The following SND1 variants were observed in gnomAD, a reference collection of about 807,000 sequenced individuals.
SND1 encodes staphylococcal nuclease domain-containing protein 1.
In SND1, 38 loss-of-function variants were observed where a neutral mutation model predicts 121.7. The ratio of observed to expected loss-of-function variants is 0.31; its 90% CI spans 0.24 to 0.41. The LOEUF (loss-of-function observed/expected upper bound fraction) is 0.41. Ranked by LOEUF, SND1 falls within the 10% of genes least tolerant of loss-of-function variation. The probability of loss-of-function intolerance (pLI) is 1.00; values close to 1 mark genes in which losing one functional copy is unlikely to be tolerated. For missense variants in SND1, 868 were observed against 1,184.6 expected (o/e 0.73, Z 3.92); for synonymous variants, 401 against 447.4 (o/e 0.90, Z 1.31).
intron 12 of SND1, among the ~76,000 whole-genome samples, chr7:127,847,745 G>A (rs537365692): frequency 2.0e-4 from 30 of 152,308 alleles, no homozygotes; most frequent in African/African-American, 6.7e-4. Flanking sequence ...CTCACTGCCC[G>A]AAGTGCGTAG....
intron 16 of SND1, among the ~76,000 whole-genome samples, chr7:128,007,422 G>A (rs192639299): frequency 6.6e-6 from 1 of 152,306 alleles, no homozygotes; most frequent in Non-Finnish European, 1.5e-5. Context: ...TCGGCTCCTA[G>A]TATTTGCAGC....
rs565544280 is a variant in SND1, at chr7:127,716,030, A to G, written c.1039-5257A>G. On this transcript the variant is annotated intron_variant, in intron 9 of 23. Transcript: ENST00000354725. ...CAAAAATCATTTGACTGTATATGCA[A>G]GGGTTTATTTCTGGACTTCATTCTG... 2.6e-5 allele frequency among the ~76,000 whole-genome samples: 4 copies of G among 152,256 alleles called. No individual in the cohort carries two copies. In the East Asian group the frequency reaches 7.7e-4, roughly 29 times the overall value.
At chr7:127,949,744 C>A (rs1052785491) in intron 15 of SND1, among the ~76,000 whole-genome samples, 3 of 152,164 alleles carry the variant, frequency 2.0e-5, no homozygotes, top group Non-Finnish European at 4.4e-5. Context: ...TTGGATTTGG[C>A]CCCAGCACAG....
At chr7:127,719,308 A>G (rs1796446954) in intron 9 of SND1, among the ~76,000 whole-genome samples, 1 of 152,174 alleles carries the variant, frequency 6.6e-6, no homozygotes, top group Non-Finnish European at 1.5e-5. Flanking sequence ...TTTAGATGGT[A>G]ATGGGAATAA....
intron 1 of SND1, among the ~76,000 whole-genome samples, chr7:127,659,278 C>A (rs1463767588): frequency 6.6e-6 from 1 of 152,192 alleles, no homozygotes; most frequent in African/African-American, 2.4e-5. Flanking sequence ...CACTTACTTT[C>A]ATTAGACTCA....
intron 10 of SND1, among the ~76,000 whole-genome samples, chr7:127,795,198 C>T (rs1797992751): frequency 6.6e-6 from 1 of 152,162 alleles, no homozygotes; most frequent in African/African-American, 2.4e-5. Context: ...CTTCTCAGCT[C>T]TACTTGCTCA....
chr7:127,708,786 T>A (rs1223108934), intron 9 of SND1, among the ~76,000 whole-genome samples: 1 of 152,242 alleles, frequency 6.6e-6, no homozygotes, highest in Non-Finnish European at 1.5e-5. Context: ...TCCAGCCTAT[T>A]TTTACTTTTG....
At chr7:127,719,917 C>T (rs698409) in intron 9 of SND1, among the ~76,000 whole-genome samples, 143,690 of 152,198 alleles carry the variant, frequency 0.94, 68,281 homozygotes, top group Non-Finnish European at 1. Flanking sequence ...TTTTCTGTTA[C>T]ATATAATTTC....
At chr7:127,740,792 T>C (rs1056792307) in intron 10 of SND1, among the ~76,000 whole-genome samples, 1 of 152,182 alleles carries the variant, frequency 6.6e-6, no homozygotes, top group Non-Finnish European at 1.5e-5. Context: ...TGGGTGTCTG[T>C]GGTAGAAGTG....
At chr7:128,010,251 C>G (rs1803086029) in intron 16 of SND1, among the ~76,000 whole-genome samples, 1 of 152,222 alleles carries the variant, frequency 6.6e-6, no homozygotes, top group Non-Finnish European at 1.5e-5. Context: ...TATAGTGGAA[C>G]AAAGCACTAC....
chr7:127,872,199 C>T (rs904804236), intron 12 of SND1, among the ~76,000 whole-genome samples: 1 of 152,128 alleles, frequency 6.6e-6, no homozygotes, highest in Non-Finnish European at 1.5e-5. Context: ...TCTAGCATCT[C>T]ATTTTATAGG....
At chr7:127,854,301 G>GC in intron 12 of SND1, among the ~76,000 whole-genome samples, 1 of 152,068 alleles carries the variant, frequency 6.6e-6, no homozygotes, top group East Asian at 1.9e-4. Context: ...GCTGATTTTT[G>GC]CATTTTTAGT....
chr7:127,840,868 C>G (rs1798952032), intron 11 of SND1, among the ~76,000 whole-genome samples: 1 of 152,178 alleles, frequency 6.6e-6, no homozygotes, highest in South Asian at 2.1e-4. Flanking sequence ...AATGTTGCAT[C>G]CACAAATAAC....
At chr7:127,993,277 T>TATATATATA in intron 16 of SND1, among the ~76,000 whole-genome samples, 1 of 152,244 alleles carries the variant, frequency 6.6e-6, no homozygotes, top group Non-Finnish European at 1.5e-5. Context: ...GGCTTATTCA[T>TATATATATA]TTACTTTTAC....
rs571982666 is a variant in SND1 at position 127,734,241 on chromosome 7, AG to A, written c.1152+12843del. On this transcript the variant is annotated intron_variant, in intron 10 of 23. Transcript: ENST00000354725. ...CCCTCTTAGCTTAGAACATCTCCTG[AG>A]GATTCCAGTGAAAGGAGATATAAGA... Among the ~76,000 whole-genome samples, 393 of 152,262 alleles carry A rather than the reference AG, an allele frequency of 2.6e-3. 1 individual carries two copies. The highest frequency in any genetic ancestry group is 5.1e-3 in the Admixed American group (78 of 15,294).
At chr7:127,693,129 G>T (rs1033878734) in intron 2 of SND1, among the ~76,000 whole-genome samples, 11 of 152,336 alleles carry the variant, frequency 7.2e-5, no homozygotes, top group Non-Finnish European at 1.6e-4. Flanking sequence ...TGTTTTTGGA[G>T]TAAGTTGATC....
intron 15 of SND1, among the ~76,000 whole-genome samples, chr7:127,943,797 C>T (rs552869939): frequency 4.7e-4 from 72 of 152,284 alleles, no homozygotes; most frequent in African/African-American, 1.7e-3. Flanking sequence ...TTAGAAATTG[C>T]TCCTTAACTG....
chr7:127,891,666 G>A (rs754705744), intron 13 of SND1, among the ~76,000 whole-genome samples: 10 of 152,072 alleles, frequency 6.6e-5, no homozygotes, highest in Non-Finnish European at 1.3e-4. Context: ...GATCTCATTA[G>A]TGAGTTGTTT....
chr7:127,802,275 G>T (rs542800170), intron 10 of SND1, among the ~76,000 whole-genome samples: 12 of 152,294 alleles, frequency 7.9e-5, no homozygotes, highest in African/African-American at 2.9e-4. Context: ...GGCCTGCACA[G>T]TTTAAACCCA....
Sources: allele counts gnomAD v4.1 joint callset (sites outside exome capture counted in the v4.1 genomes callset), GRCh38; gene constraint gnomAD v4.1.1; transcripts MANE v1.5; gene names NCBI Gene and HGNC (gene_info 2026-07-23, HGNC 2026-07-21).